MCPH1: variants seen among roughly 807,000 people sequenced by gnomAD.
MCPH1 encodes microcephalin 1, also known as microcephalin.
In MCPH1, 104 loss-of-function variants were observed where a neutral mutation model predicts 84.5. The observed-to-expected ratio is 1.23, with a 90% CI of 1.05 to 1.45. MCPH1 has a LOEUF of 1.45. Ranked by LOEUF, MCPH1 falls within the 40% of genes most tolerant of loss-of-function variation. The pLI is 0.00. For missense variants in MCPH1, 1,498 were observed against 1,005.7 expected, an observed-to-expected ratio of 1.49 and a Z score of -6.62; for synonymous variants, 514 against 366.8, an observed-to-expected ratio of 1.40 and a Z score of -4.58.
chr8:6,592,614 C>CTTTTTTTTTT lies in MCPH1; in HGVS notation c.2215-28832_2215-28831insTTTTTTTTTT, dbSNP rs1252024553. Among the ~76,000 whole-genome samples the CTTTTTTTTTT allele has an allele frequency of 1.2e-3, 76 of 65,406 alleles. 1 individual carries two copies. Among genetic ancestry groups the CTTTTTTTTTT allele is most frequent in the Middle Eastern group, 9.4e-3 (1 of 106 alleles). The allele number at this position is 65,406 out of a possible 152,430, so 42.9% of individuals were successfully genotyped here. A position where few individuals can be genotyped will look rare whatever the true frequency, so the allele number is the denominator to read the frequency against. ...GTCATCTAGGCTCTCGTTTTTCTTTCTTTTTTTTGTTTTTTTTTTTTTTTT... is the reference window on the plus strand; with the variant it reads ...GTCATCTAGGCTCTCGTTTTTCTTTCTTTTTTTTTTTTTTTTTTGTTTTTTTTTTTTTTTT... On this transcript the variant is annotated intron_variant, in intron 12 of 13. Transcript: ENST00000344683.
chr8:6,570,803 G>GT (rs10548398), intron 12 of MCPH1, among the ~76,000 whole-genome samples: 85 of 108,666 alleles, frequency 7.8e-4, no homozygotes, highest in South Asian at 1.3e-3. Flanking sequence ...ATGGATTGTT[G>GT]TTTTTTTTTT....
chr8:6,467,872 A>G (rs1807180781), intron 9 of MCPH1, among the ~76,000 whole-genome samples: 1 of 152,218 alleles, frequency 6.6e-6, no homozygotes, highest in South Asian at 2.1e-4. Flanking sequence ...TGCTGGGATT[A>G]TAGGCATGAA....
In MCPH1 at chr8:6,643,210, A is replaced by G; in HGVS notation, c.*161A>G. The G allele has an allele frequency of 1.4e-6, 1 of 698,078 alleles. No individual in the cohort carries two copies. Among genetic ancestry groups the G allele is most frequent in the Non-Finnish European group, 2.6e-6 (1 of 386,016 alleles). The allele number at this position is 698,078 out of a possible 1,614,324, so 43.2% of individuals were successfully genotyped here. A position where few individuals can be genotyped will look rare whatever the true frequency, so the allele number is the denominator to read the frequency against. On this transcript the variant is annotated 3_prime_UTR_variant, in exon 14 of 14. Coordinates refer to ENST00000344683, the MANE Select transcript of MCPH1 (RefSeq NM_024596.5). ...TGTGGTTCTTAAGAACTCATAGGTG[A>G]CTTTCTGATGACTGAATGTCTGTTT...
intron 2 of MCPH1, among the ~76,000 whole-genome samples, chr8:6,413,472 C>G (rs1182808727): frequency 6.6e-6 from 1 of 151,310 alleles, no homozygotes; most frequent in Non-Finnish European, 1.5e-5. Flanking sequence ...TTGATTATTT[C>G]TTTAATAATA....
chr8:6,565,020 C>A (rs1251155726), intron 12 of MCPH1, among the ~76,000 whole-genome samples: 1 of 152,166 alleles, frequency 6.6e-6, no homozygotes, highest in Non-Finnish European at 1.5e-5. Context: ...ATGGTTTCCA[C>A]TAAGGGAACC....
At position 6,445,332 on chromosome 8, in the gene MCPH1, G is replaced by T. The variant is rs766592666; in HGVS notation, c.1610G>T (p.Gly537Val). 5.6e-6 allele frequency: 9 copies of T among 1,614,112 alleles called. No individual in the cohort carries two copies. In the African/African-American group the frequency reaches 1.2e-4, roughly 22 times the overall value. The change falls in exon 8 of 14, where the codon GGA (glycine) becomes GTA (valine). Residue 537 changes from glycine to valine, a missense_variant. By Grantham distance (109) the Gly-to-Val change is moderately radical (BLOSUM62 -3). Coordinates refer to ENST00000344683, the MANE Select transcript of MCPH1 (RefSeq NM_024596.5). ...ATTGAGGACCCTGCTCTTCCAAAAG[G>T]ACATGATGATGATTTAACTCCTTTG... ...YTIEDPALPK[G>V]HDDDLTPLEG...
intron 12 of MCPH1, among the ~76,000 whole-genome samples, chr8:6,593,161 G>A (rs1249526349): frequency 2.1e-5 from 3 of 143,556 alleles, no homozygotes; most frequent in Non-Finnish European, 4.5e-5. Flanking sequence ...TTGGCTCACT[G>A]CAACCTCTAC....
intron 12 of MCPH1, among the ~76,000 whole-genome samples, chr8:6,567,922 C>G (rs1826336652): frequency 6.6e-6 from 1 of 152,216 alleles, no homozygotes; most frequent in African/African-American, 2.4e-5. Flanking sequence ...CAATTTTTGT[C>G]TGTAATAGTT....
At chr8:6,572,218 G>A (rs886280364) in intron 12 of MCPH1, among the ~76,000 whole-genome samples, 3 of 151,810 alleles carry the variant, frequency 2.0e-5, no homozygotes, top group Non-Finnish European at 4.4e-5. Context: ...TTTTTTGAAA[G>A]CCTGAAACTA....
At chr8:6,640,636 T>C (rs962677580) in intron 13 of MCPH1, among the ~76,000 whole-genome samples, 18 of 152,244 alleles carry the variant, frequency 1.2e-4, no homozygotes, top group African/African-American at 4.3e-4. Context: ...TTAGCTGTGC[T>C]TATGGTGTCT....
chr8:6,541,760 T>G (rs1041517972), intron 12 of MCPH1, among the ~76,000 whole-genome samples: 3 of 152,074 alleles, frequency 2.0e-5, no homozygotes, highest in Non-Finnish European at 4.4e-5. Context: ...TCCCAATACT[T>G]TAGGGGGCCA....
chr8:6,498,455 T>G (rs1283233101), intron 11 of MCPH1, among the ~76,000 whole-genome samples: 4 of 152,350 alleles, frequency 2.6e-5, no homozygotes, highest in Non-Finnish European at 4.4e-5. Flanking sequence ...TCCTGGGATG[T>G]CTGTGTAAAT....
At chr8:6,543,365 G>A (rs935227953) in intron 12 of MCPH1, among the ~76,000 whole-genome samples, 4 of 152,080 alleles carry the variant, frequency 2.6e-5, no homozygotes, top group Non-Finnish European at 4.4e-5. Flanking sequence ...ACTGCTCCTC[G>A]TCTCCTGCCT....
At chr8:6,466,127 GGA>G (rs1415917577) in intron 9 of MCPH1, among the ~76,000 whole-genome samples, 77,236 of 124,732 alleles carry the variant, frequency 0.62, 27,346 homozygotes, top group Non-Finnish European at 0.76. Flanking sequence ...GCTAATTTTT[GGA>G]TTTTTTTTTT....
chr8:6,445,897 G>C (rs777621621), intron 8 of MCPH1: 34 of 1,013,246 alleles, frequency 3.4e-5, no homozygotes, highest in Non-Finnish European at 3.8e-5. Flanking sequence ...GTGTAAAGAT[G>C]TATACGATAG....
intron 12 of MCPH1, among the ~76,000 whole-genome samples, chr8:6,504,048 G>A (rs567563137): frequency 6.6e-6 from 1 of 152,372 alleles, no homozygotes; most frequent in South Asian, 2.1e-4. Flanking sequence ...GCCGGGCGCA[G>A]TGGCTCACGC....
intron 12 of MCPH1, among the ~76,000 whole-genome samples, chr8:6,602,649 T>C (rs1333218272): frequency 6.6e-6 from 1 of 152,126 alleles, no homozygotes; most frequent in Non-Finnish European, 1.5e-5. Flanking sequence ...CCCTTTGTTG[T>C]TGGCTGGTTG....
At chr8:6,454,758 G>C (rs2440410) in intron 8 of MCPH1, among the ~76,000 whole-genome samples, 147,268 of 152,298 alleles carry the variant, frequency 0.97, 71,392 homozygotes, top group East Asian at 1. Flanking sequence ...GACCCCAAAA[G>C]TTAGATTAAT....
At chr8:6,413,890 G>C (rs941909181) in intron 2 of MCPH1, among the ~76,000 whole-genome samples, 1 of 152,008 alleles carries the variant, frequency 6.6e-6, no homozygotes, top group Non-Finnish European at 1.5e-5. Context: ...GAGTTGCTGA[G>C]ACTACAGGCA....
Sources: gnomAD v4.1 joint callset for allele counts (sites outside exome capture counted in the v4.1 genomes callset) on GRCh38, gnomAD v4.1.1 for gene constraint, MANE v1.5 for transcripts, NCBI Gene and HGNC (gene_info 2026-07-23, HGNC 2026-07-21) for gene names.